Variants in GPHN observed in about 807,000 individuals in gnomAD.
GPHN encodes gephyrin.
GPHN carries 17 observed loss-of-function variants against 95.5 expected under a neutral mutation model. The ratio of observed to expected loss-of-function variants is 0.18; its 90% CI spans 0.12 to 0.27. The LOEUF (loss-of-function observed/expected upper bound fraction) is 0.27, where lower values mean the gene tolerates loss of function less well. Among genes scored for constraint, GPHN ranks in the 10% least tolerant of loss-of-function variants. GPHN has a pLI of 1.00. For synonymous variants in GPHN, 320 were observed against 322.5 expected (o/e 0.99, Z 0.08); for missense variants, 660 against 978.1 (o/e 0.67, Z 4.34).
At chr14:67,094,199 G>T (rs150969456) in intron 12 of GPHN, among the ~76,000 whole-genome samples, 1 of 152,204 alleles carries the variant, frequency 6.6e-6, no homozygotes, top group African/African-American at 2.4e-5. Flanking sequence ...ATCGTTTTCT[G>T]TGTACACAAT....
At chr14:67,608,492 T>A in the GPHN span, among the ~76,000 whole-genome samples, 19 of 152,180 alleles carry the variant, frequency 1.2e-4, no homozygotes, top group African/African-American at 4.6e-4. Flanking sequence ...CTGGAACCAA[T>A]CCCCCACTAA....
At chr14:67,138,916 T>A (rs897572831) in intron 17 of GPHN, among the ~76,000 whole-genome samples, 39 of 118,888 alleles carry the variant, frequency 3.3e-4, no homozygotes, top group East Asian at 5.6e-4. Flanking sequence ...TTTTTTTTTT[T>A]AAATTATTAA....
the GPHN span, among the ~76,000 whole-genome samples, chr14:67,694,422 A>G: frequency 6.6e-6 from 1 of 151,176 alleles, no homozygotes; most frequent in Non-Finnish European, 1.5e-5. Context: ...TTGGGAATAC[A>G]GCTCCTGGAA....
chr14:67,045,703 CTCTGTCTCTCTCTCTCTG>C (rs1212391628), intron 10 of GPHN, among the ~76,000 whole-genome samples: 19 of 151,446 alleles, frequency 1.3e-4, no homozygotes, highest in African/African-American at 3.4e-4. Context: ...CTCTCTCTGT[CTCTGTCTCTCTCTCTCTG>C]TCTGTCTCTC....
the GPHN span, among the ~76,000 whole-genome samples, chr14:67,516,399 G>C: frequency 5.5e-5 from 3 of 54,618 alleles, no homozygotes; most frequent in Admixed American, 4.5e-4. Context: ...TAGCTGGAGA[G>C]GGGGGGAAAT....
At chr14:66,863,862 C>A (rs2063127975) in intron 4 of GPHN, among the ~76,000 whole-genome samples, 1 of 152,070 alleles carries the variant, frequency 6.6e-6, no homozygotes, top group Admixed American at 6.6e-5. Context: ...AACTGTGAAA[C>A]CATTACATGA....
intron 2 of GPHN, among the ~76,000 whole-genome samples, chr14:66,705,280 G>T (rs749229151): frequency 6.6e-6 from 1 of 152,100 alleles, no homozygotes; most frequent in African/African-American, 2.4e-5. Context: ...ATTCCAAACA[G>T]TTGAAAAGGA....
At chr14:66,521,699 G>C (rs1299037631) in intron 1 of GPHN, among the ~76,000 whole-genome samples, 1 of 152,028 alleles carries the variant, frequency 6.6e-6, no homozygotes, top group Non-Finnish European at 1.5e-5. Flanking sequence ...CCATTTATGA[G>C]GGTGGACCCC....
chr14:67,407,244 C>T, the GPHN span, among the ~76,000 whole-genome samples: 3 of 152,064 alleles, frequency 2.0e-5, no homozygotes, highest in African/African-American at 4.8e-5. Context: ...GCCTCAGCCT[C>T]CCGAGTAGCT....
intron 9 of GPHN, among the ~76,000 whole-genome samples, chr14:66,983,251 C>CA (rs1218109966): frequency 6.6e-6 from 1 of 151,746 alleles, no homozygotes. Flanking sequence ...GACTCCATCT[C>CA]AAAAAAATAA....
intron 17 of GPHN, among the ~76,000 whole-genome samples, chr14:67,126,813 A>G (rs2079347923): frequency 6.6e-6 from 1 of 151,802 alleles, no homozygotes; most frequent in African/African-American, 2.4e-5. Flanking sequence ...TTATTGCGGC[A>G]TTATTCACAA....
At chr14:67,669,361 C>T in the GPHN span, among the ~76,000 whole-genome samples, 4 of 150,950 alleles carry the variant, frequency 2.6e-5, no homozygotes, top group African/African-American at 9.8e-5. Flanking sequence ...CTTCAAACTG[C>T]TAGACTCAAG....
At chr14:67,291,450 A>C in the GPHN span, among the ~76,000 whole-genome samples, 1 of 151,808 alleles carries the variant, frequency 6.6e-6, no homozygotes, top group African/African-American at 2.4e-5. Context: ...GTTCCCGGCT[A>C]ATTTTTGTAT....
intron 1 of GPHN, among the ~76,000 whole-genome samples, chr14:66,629,203 ATATATT>A (rs1388946312): frequency 3.5e-5 from 5 of 143,506 alleles, no homozygotes; most frequent in African/African-American, 1.3e-4. Flanking sequence ...GTATATAAAT[ATATATT>A]TATATACATA....
At chr14:66,568,712 C>T (rs1252948684) in intron 1 of GPHN, among the ~76,000 whole-genome samples, 1 of 152,066 alleles carries the variant, frequency 6.6e-6, no homozygotes, top group African/African-American at 2.4e-5. Context: ...TAGTATATCT[C>T]ACTTTATGCA....
rs985845419 is a variant in GPHN, at chr14:66,805,201, G to A, written c.202-19273G>A. Among the ~76,000 whole-genome samples the A allele has an allele frequency of 6.6e-5, 10 of 152,282 alleles. No homozygotes were observed. In the South Asian group the frequency reaches 1.9e-3, roughly 28 times the overall value. On this transcript the variant is annotated intron_variant, in intron 3 of 22. Transcript: ENST00000478722. ...GGCAGGCAAAGAGGGAGCTTATGCA[G>A]GGAAACTCCCCTTTCTAAAACCATC...
At chr14:67,575,652 G>A in the GPHN span, 9 of 702,618 alleles carry the variant, frequency 1.3e-5, no homozygotes, top group Non-Finnish European at 2.2e-5. Flanking sequence ...GCTTCTCCAA[G>A]CAAGCCTCAT....
the GPHN span, among the ~76,000 whole-genome samples, chr14:67,642,793 C>CTTTTTTTTTTTTTTTT: frequency 5.6e-4 from 42 of 75,556 alleles, 13 homozygotes; most frequent in South Asian, 1.3e-3. Flanking sequence ...ACTACATTTT[C>CTTTTTTTTTTTTTTTT]TTTTTTTTTT....
intron 20 of GPHN, among the ~76,000 whole-genome samples, chr14:67,166,970 T>C (rs1010358389): frequency 1.2e-4 from 18 of 152,178 alleles, no homozygotes; most frequent in African/African-American, 4.1e-4. Context: ...TGCGCAGCTT[T>C]ACAAGGATTT....
Sources: gnomAD v4.1 joint callset for allele counts (sites outside exome capture counted in the v4.1 genomes callset) on GRCh38, gnomAD v4.1.1 for gene constraint, MANE v1.5 for transcripts, NCBI Gene and HGNC (gene_info 2026-07-23, HGNC 2026-07-21) for gene names.